Variants in CLYBL observed in about 807,000 individuals in gnomAD.
CLYBL encodes the protein citramalyl-CoA lyase.
Under a neutral mutation model 38.9 loss-of-function variants are expected in CLYBL, and 31 were observed. That is an observed-to-expected ratio of 0.80 (90% CI 0.60 to 1.08). CLYBL has a LOEUF of 1.08. Ranked by LOEUF, CLYBL falls within the 50% of genes least tolerant of loss-of-function variation. The pLI is 0.00. For missense variants in CLYBL, 434 were observed against 411.6 expected (o/e 1.05, Z -0.47); for synonymous variants, 171 against 158.6 (o/e 1.08, Z -0.59).
At chr13:99,642,618 A>G (rs2047112663) in intron 1 of CLYBL, among the ~76,000 whole-genome samples, 1 of 151,268 alleles carries the variant, frequency 6.6e-6, no homozygotes, top group African/African-American at 2.4e-5. Flanking sequence ...AGGTCTCCCC[A>G]TGTTGTCCAG....
chr13:99,896,441 C>T (rs1478190826), downstream of CLYBL: 1 of 152,254 alleles, frequency 6.6e-6, no homozygotes, highest in Non-Finnish European at 1.5e-5. Context: ...CCCTTGCGCC[C>T]GCCCTGGGGT....
intron 1 of CLYBL, among the ~76,000 whole-genome samples, chr13:99,632,706 C>CTG (rs772951277): frequency 6.6e-6 from 1 of 151,674 alleles, no homozygotes; most frequent in South Asian, 2.1e-4. Context: ...GATTGTGCCA[C>CTG]TGCACTCCAG....
intron 2 of CLYBL, among the ~76,000 whole-genome samples, chr13:99,796,569 G>C (rs1008452014): frequency 6.6e-6 from 1 of 152,332 alleles, no homozygotes; most frequent in African/African-American, 2.4e-5. Flanking sequence ...TGACAGATAA[G>C]GAAAGTGGAA....
intron 2 of CLYBL, among the ~76,000 whole-genome samples, chr13:99,784,666 C>A (rs1490443386): frequency 6.6e-6 from 1 of 151,828 alleles, no homozygotes; most frequent in Non-Finnish European, 1.5e-5. Context: ...GTTGGCCAGG[C>A]TGGTCTTAAA....
At chr13:99,826,449 A>C (rs1451380366) in intron 2 of CLYBL, among the ~76,000 whole-genome samples, 1 of 152,222 alleles carries the variant, frequency 6.6e-6, no homozygotes, top group Non-Finnish European at 1.5e-5. Context: ...TGTATCTCTT[A>C]TGGATCCTGT....
intron 2 of CLYBL, among the ~76,000 whole-genome samples, chr13:99,800,463 G>C (rs1161717613): frequency 6.6e-6 from 1 of 152,204 alleles, no homozygotes; most frequent in Non-Finnish European, 1.5e-5. Flanking sequence ...AGATCTGAGA[G>C]GTGGAGAGAA....
At chr13:99,903,638 T>C (rs1594257630) in intron 8 of CLYBL, among the ~76,000 whole-genome samples, 1 of 152,308 alleles carries the variant, frequency 6.6e-6, no homozygotes, top group East Asian at 1.9e-4. Flanking sequence ...CTTAGGAATA[T>C]AAAAATGTGA....
chr13:99,703,358 A>G (rs1369777474), intron 1 of CLYBL, among the ~76,000 whole-genome samples: 1 of 151,660 alleles, frequency 6.6e-6, no homozygotes, highest in Admixed American at 6.6e-5. Context: ...TGCCTTTGAA[A>G]TTAGTTTTTT....
At chr13:99,895,748 G>A (rs1480547194), downstream of CLYBL, 1 of 152,230 alleles carries the variant, frequency 6.6e-6, no homozygotes, top group East Asian at 1.9e-4. Flanking sequence ...CGTAAAGAGC[G>A]ACTTGCAGGA....
intron 2 of CLYBL, among the ~76,000 whole-genome samples, chr13:99,844,626 GTCC>G (rs2051157541): frequency 6.6e-6 from 1 of 152,206 alleles, no homozygotes. Context: ...CATCTTCGGT[GTCC>G]TCTTGTGACT....
chr13:99,614,142 C>T (rs146876631), intron 1 of CLYBL, among the ~76,000 whole-genome samples: 1,552 of 152,050 alleles, frequency 0.01, 22 homozygotes, highest in African/African-American at 0.033. Flanking sequence ...GGGCAGGATA[C>T]AGAGCCCAGA....
intron 2 of CLYBL, among the ~76,000 whole-genome samples, chr13:99,774,426 G>A (rs1296706621): frequency 6.6e-6 from 1 of 151,996 alleles, no homozygotes; most frequent in Non-Finnish European, 1.5e-5. Flanking sequence ...ACATTTGCAT[G>A]GAACTTTTAA....
intron 1 of CLYBL, among the ~76,000 whole-genome samples, chr13:99,665,100 A>T (rs116282361): frequency 6.6e-6 from 1 of 151,238 alleles, no homozygotes; most frequent in East Asian, 1.9e-4. Context: ...TATATTTGTT[A>T]TATATATTTT....
chr13:99,658,277 G>A (rs1379339915), intron 1 of CLYBL, among the ~76,000 whole-genome samples: 15 of 152,260 alleles, frequency 9.9e-5, no homozygotes, highest in Admixed American at 9.8e-4. Flanking sequence ...AATAGTGTGG[G>A]AGCTCTCAAG....
intron 1 of CLYBL, among the ~76,000 whole-genome samples, chr13:99,732,423 G>A (rs2048607952): frequency 6.6e-6 from 1 of 152,038 alleles, no homozygotes. Flanking sequence ...CAAACTCCTA[G>A]GCTCAGGCAA....
intron 1 of CLYBL, among the ~76,000 whole-genome samples, chr13:99,691,618 A>G (rs1488714184): frequency 2.0e-5 from 3 of 151,962 alleles, no homozygotes; most frequent in Admixed American, 2.0e-4. Flanking sequence ...AAAACAAAAA[A>G]CCAGCACTAG....
At chr13:99,643,211 G>A (rs2047122267) in intron 1 of CLYBL, 1 of 152,784 alleles carries the variant, frequency 6.5e-6, no homozygotes, top group Admixed American at 6.5e-5. Context: ...GTGGCCAGAA[G>A]TAATGCCTGT....
At chr13:99,641,387 C>T (rs1310552038) in intron 1 of CLYBL, among the ~76,000 whole-genome samples, 1 of 152,116 alleles carries the variant, frequency 6.6e-6, no homozygotes, top group Non-Finnish European at 1.5e-5. Flanking sequence ...TAGTACAACA[C>T]GGCCAGGTGC....
At position 99,777,611 on chromosome 13, in the gene CLYBL, G is replaced by A. The variant is rs188724520; in HGVS notation, c.249+4601G>A. 3.0e-4 allele frequency among the ~76,000 whole-genome samples: 45 copies of A among 151,686 alleles called. 1 individual carries two copies. The highest frequency in any genetic ancestry group is 3.4e-3 in the Middle Eastern group (1 of 294). On this transcript the variant is annotated intron_variant, in intron 2 of 8. Transcript: ENST00000339105. ...GGGTTCAAGAGATTCTCCTTTCTCA[G>A]CCTCCCGAGTAGCTGGGATTACAGG...
Sources: gnomAD v4.1 joint callset for allele counts (sites outside exome capture counted in the v4.1 genomes callset) on GRCh38, gnomAD v4.1.1 for gene constraint, MANE v1.5 for transcripts, NCBI Gene and HGNC (gene_info 2026-07-23, HGNC 2026-07-21) for gene names.